PHF20L1: variants seen among roughly 807,000 people sequenced by gnomAD.
PHF20L1 encodes PHD finger protein 20 like 1.
Under a neutral mutation model 125.5 loss-of-function variants are expected in PHF20L1, and 44 were observed. The observed-to-expected ratio is 0.35, with a 90% CI of 0.28 to 0.45. The LOEUF (loss-of-function observed/expected upper bound fraction) is 0.45, where lower values mean the gene tolerates loss of function less well. Among genes scored for constraint, PHF20L1 ranks in the 20% least tolerant of loss-of-function variants. The pLI is 1.00. For synonymous variants in PHF20L1, 380 were observed against 403.1 expected, an observed-to-expected ratio of 0.94 and a Z score of 0.69; for missense variants, 1,012 against 1,217.2, an observed-to-expected ratio of 0.83 and a Z score of 2.51.
At chr8:132,808,690 A>G (rs1207831784) in intron 8 of PHF20L1, 1 of 152,046 alleles carries the variant, frequency 6.6e-6, no homozygotes. Flanking sequence ...TCAGTACTGT[A>G]TCTTTTTCAG....
intron 12 of PHF20L1, among the ~76,000 whole-genome samples, chr8:132,823,550 T>C (rs1057034430): frequency 6.6e-6 from 1 of 151,978 alleles, no homozygotes; most frequent in African/African-American, 2.4e-5. Flanking sequence ...TTTCTGGAAA[T>C]AGTGTAGTGT....
At chr8:132,842,993 C>A in intron 19 of PHF20L1, 118 bp downstream of exon 19, 1 of 1,443,754 alleles carries the variant, frequency 6.9e-7, no homozygotes, top group Non-Finnish European at 9.1e-7. Flanking sequence ...TTCCCCAGTA[C>A]CTTGTTAAAG....
At chr8:132,779,944 C>T (rs569785606) in intron 2 of PHF20L1, among the ~76,000 whole-genome samples, 1 of 151,948 alleles carries the variant, frequency 6.6e-6, no homozygotes, top group Non-Finnish European at 1.5e-5. Context: ...TTTTAATGAC[C>T]CTGGTAATAA....
intron 14 of PHF20L1, among the ~76,000 whole-genome samples, chr8:132,827,329 G>T (rs903900281): frequency 6.6e-6 from 1 of 152,164 alleles, no homozygotes; most frequent in Middle Eastern, 3.4e-3. Flanking sequence ...AGCTCAGGCT[G>T]CAAATAAAAC....
intron 9 of PHF20L1, chr8:132,812,391 G>A (rs1262059590): frequency 2.0e-6 from 2 of 984,802 alleles, no homozygotes; most frequent in South Asian, 4.7e-5. Context: ...ATTAAATGTG[G>A]AAGTTAGTGT....
At chr8:132,809,893 T>G (rs192871687) in intron 8 of PHF20L1, 1 of 152,126 alleles carries the variant, frequency 6.6e-6, no homozygotes, top group Non-Finnish European at 1.5e-5. Flanking sequence ...CAGGGTGGCC[T>G]TAAACAAGGC....
chr8:132,843,533 T>G (rs1346669680), intron 19 of PHF20L1: 87 of 984,962 alleles, frequency 8.8e-5, no homozygotes, highest in Non-Finnish European at 6.0e-5. Flanking sequence ...TCATAAAGTT[T>G]GTGGTAAGTT....
intron 2 of PHF20L1, among the ~76,000 whole-genome samples, chr8:132,783,082 A>G (rs1277326300): frequency 6.6e-6 from 1 of 152,226 alleles, no homozygotes; most frequent in African/African-American, 2.4e-5. Context: ...GATTGTTACA[A>G]AAACACAAGA....
In PHF20L1 at chr8:132,837,822, C is replaced by T. The variant is rs1373847828; in HGVS notation, c.2191+11C>T. ...GCCGGGACCCACCAGGTAAGGCTTTCTGTGCCGTGCTGATTGCCAGGATGC... is the reference window on the plus strand; with the variant it reads ...GCCGGGACCCACCAGGTAAGGCTTTTTGTGCCGTGCTGATTGCCAGGATGC... On this transcript the variant is annotated intron_variant, in intron 17 of 20. Coordinates refer to ENST00000395386, the MANE Select transcript of PHF20L1 (RefSeq NM_016018.5). 3 of 1,583,698 alleles carry T rather than the reference C, an allele frequency of 1.9e-6. No homozygotes were observed. The highest frequency in any genetic ancestry group is 1.8e-4 in the Middle Eastern group (1 of 5,670).
Position 132,792,736 on chromosome 8 carries a change from A to G in PHF20L1, c.84-1674A>G, listed in dbSNP as rs1017192627. Among the ~76,000 whole-genome samples, 3 of 152,190 alleles carry G rather than the reference A, an allele frequency of 2.0e-5. No individual in the cohort carries two copies. In the East Asian group the frequency reaches 5.8e-4, roughly 29 times the overall value. On this transcript the variant is annotated intron_variant, in intron 2 of 20. Transcript: ENST00000395386. The stretch of plus-strand genomic sequence containing the variant: ...ATGACTCATTTATCTCCAGAAGTTC[A>G]CAGGCCAGAGTAGCATTTCTAACCT...
intron 6 of PHF20L1, among the ~76,000 whole-genome samples, chr8:132,801,908 G>C (rs1006080177): frequency 6.6e-6 from 1 of 151,406 alleles, no homozygotes; most frequent in Non-Finnish European, 1.5e-5. Context: ...TCTCTTTTTA[G>C]TTTTTTTCTT....
At chr8:132,842,911 T>G (rs1838074187) in intron 19 of PHF20L1, 36 bp downstream of exon 19, 1 of 1,558,296 alleles carries the variant, frequency 6.4e-7, no homozygotes, top group Admixed American at 2.0e-5. Flanking sequence ...TTGGAAACTA[T>G]GAGAGAAGAA....
intron 2 of PHF20L1, among the ~76,000 whole-genome samples, chr8:132,783,940 T>G (rs1830719952): frequency 6.6e-6 from 1 of 152,162 alleles, no homozygotes; most frequent in Non-Finnish European, 1.5e-5. Context: ...ATAATTTACA[T>G]TTAGATAGTC....
intron 6 of PHF20L1, 46 bp downstream of exon 6, chr8:132,799,218 A>G (rs992366878): frequency 4.4e-6 from 5 of 1,139,418 alleles, no homozygotes; most frequent in Admixed American, 2.1e-5. Context: ...TTCCTGGTAT[A>G]TAATGTCATT....
Position 132,798,769 on chromosome 8 carries a change from C to T in PHF20L1, c.341-3C>T. ...TAATGATTCTGACTTGCTCCTGTTT[C>T]AGGAACATTTACAGTTCAGTTTTAT... is the stretch of plus-strand genomic sequence containing the variant. On this transcript the variant is annotated splice_polypyrimidine_tract_variant and splice_region_variant and intron_variant, in intron 4 of 20. Coordinates refer to ENST00000395386, the MANE Select transcript of PHF20L1 (RefSeq NM_016018.5). 1 of 1,586,924 alleles carries T rather than the reference C, an allele frequency of 6.3e-7. No individual in the cohort carries two copies. The highest frequency in any genetic ancestry group is 2.3e-5 in the East Asian group (1 of 44,426).
Position 132,811,085 on chromosome 8 carries a change from A to T in PHF20L1, c.887A>T (p.Glu296Val). 1 of 1,609,306 alleles carries T rather than the reference A, an allele frequency of 6.2e-7. No individual in the cohort carries two copies. Among genetic ancestry groups the T allele is most frequent in the Non-Finnish European group, 8.5e-7 (1 of 1,175,858 alleles). ...AAAGCTGTTGGGGTTGATGGTGCTG[A>T]AAAAAAGGAAGACTACAATGAAACA... is the stretch of plus-strand genomic sequence containing the variant. ...ASKAVGVDGA[E>V]KKEDYNETAP... The change falls in exon 9 of 21, where the codon GAA (glutamate) becomes GTA (valine). Residue 296 changes from glutamate to valine, a missense_variant. Glu to Val is a moderately radical substitution (Grantham distance 121). Coordinates refer to ENST00000395386, the MANE Select transcript of PHF20L1 (RefSeq NM_016018.5).
intron 12 of PHF20L1, among the ~76,000 whole-genome samples, chr8:132,822,784 A>G (rs1166555379): frequency 6.6e-6 from 1 of 151,900 alleles, no homozygotes; most frequent in Non-Finnish European, 1.5e-5. Context: ...TTTGAGTGGT[A>G]TTTTTATATT....
At chr8:132,782,438 G>C (rs949007905) in intron 2 of PHF20L1, among the ~76,000 whole-genome samples, 7 of 152,206 alleles carry the variant, frequency 4.6e-5, no homozygotes, top group Non-Finnish European at 1.0e-4. Flanking sequence ...AAATGCAAGG[G>C]GAGAGGGAGA....
intron 2 of PHF20L1, among the ~76,000 whole-genome samples, chr8:132,778,186 A>G (rs1192684753): frequency 6.6e-6 from 1 of 152,168 alleles, no homozygotes; most frequent in Non-Finnish European, 1.5e-5. Flanking sequence ...GTTTATGTAT[A>G]CCTCATGTAT....
Sources: allele counts gnomAD v4.1 joint callset (sites outside exome capture counted in the v4.1 genomes callset), GRCh38; gene constraint gnomAD v4.1.1; transcripts MANE v1.5; gene names NCBI Gene and HGNC (gene_info 2026-07-23, HGNC 2026-07-21).